WWOX: variants seen among roughly 807,000 people sequenced by gnomAD.
WWOX encodes the protein WW domain-containing oxidoreductase.
WWOX carries 69 observed loss-of-function variants against 46.2 expected under a neutral mutation model. That is an observed-to-expected ratio of 1.49 (90% CI 1.23 to 1.82). The LOEUF is 1.82. Ranked by LOEUF, WWOX falls within the 40% of genes most tolerant of loss-of-function variation. The pLI is 0.00. For synonymous variants in WWOX, 359 were observed against 202.6 expected (o/e 1.77, Z -6.56); for missense variants, 919 against 542.6 (o/e 1.69, Z -6.89).
chr16:78,912,518 A>AGCTCCT (rs1388197336), intron 8 of WWOX, among the ~76,000 whole-genome samples: 2 of 151,952 alleles, frequency 1.3e-5, no homozygotes, highest in Non-Finnish European at 2.9e-5. Flanking sequence ...AAGAAATGCC[A>AGCTCCT]GCTCCTCCGC....
intron 8 of WWOX, among the ~76,000 whole-genome samples, chr16:79,099,033 G>A (rs555620076): frequency 3.9e-4 from 59 of 151,922 alleles, no homozygotes; most frequent in African/African-American, 1.3e-3. Flanking sequence ...TTCACTCCTG[G>A]CAGAAGGCAA....
At chr16:78,633,896 GTTT>G (rs4035834) in intron 8 of WWOX, among the ~76,000 whole-genome samples, 4 of 134,680 alleles carry the variant, frequency 3.0e-5, no homozygotes, top group Non-Finnish European at 6.5e-5. Flanking sequence ...CATCTGAGGT[GTTT>G]TTTTTTTTTT....
chr16:78,273,775 C>T (rs867673654), intron 5 of WWOX, among the ~76,000 whole-genome samples: 10 of 152,190 alleles, frequency 6.6e-5, no homozygotes, highest in African/African-American at 1.2e-4. Context: ...GAAGGAAGGA[C>T]AGAAGGCTAG....
intron 8 of WWOX, among the ~76,000 whole-genome samples, chr16:78,467,952 G>C (rs560393219): frequency 6.6e-6 from 1 of 152,228 alleles, no homozygotes; most frequent in South Asian, 2.1e-4. Context: ...CTTTTTGTGT[G>C]TTTCTGACAT....
At chr16:78,835,429 C>A (rs993154610) in intron 8 of WWOX, among the ~76,000 whole-genome samples, 4 of 152,164 alleles carry the variant, frequency 2.6e-5, no homozygotes, top group Non-Finnish European at 5.9e-5. Flanking sequence ...GGGAAATATT[C>A]CTTCAATGTT....
chr16:78,836,517 C>G (rs1433227051), intron 8 of WWOX, among the ~76,000 whole-genome samples: 1 of 152,170 alleles, frequency 6.6e-6, no homozygotes, highest in South Asian at 2.1e-4. Context: ...ACTTCTGCCC[C>G]TTGCCATGTT....
intron 8 of WWOX, among the ~76,000 whole-genome samples, chr16:79,109,979 C>G (rs1054950360): frequency 3.3e-5 from 5 of 152,168 alleles, no homozygotes; most frequent in African/African-American, 1.2e-4. Flanking sequence ...CCCTCCAAAT[C>G]AAGAGTCCAG....
chr16:78,372,568 C>G (rs1195531553), intron 5 of WWOX, among the ~76,000 whole-genome samples: 1 of 152,152 alleles, frequency 6.6e-6, no homozygotes, highest in Non-Finnish European at 1.5e-5. Context: ...GTGCCCTGTC[C>G]ATTATCCTCC....
At chr16:78,978,736 C>G (rs936708150) in intron 8 of WWOX, among the ~76,000 whole-genome samples, 2 of 152,144 alleles carry the variant, frequency 1.3e-5, no homozygotes, top group East Asian at 3.9e-4. Context: ...ACTTTTCAAC[C>G]ACCGAATCGC....
intron 8 of WWOX, among the ~76,000 whole-genome samples, chr16:78,914,037 T>G (rs1597143029): frequency 6.6e-6 from 1 of 152,170 alleles, no homozygotes; most frequent in East Asian, 1.9e-4. Flanking sequence ...TCATCAGAGA[T>G]GAAAATGAGA....
At chr16:79,170,433 T>A (rs1364092272) in intron 8 of WWOX, among the ~76,000 whole-genome samples, 9 of 152,228 alleles carry the variant, frequency 5.9e-5, no homozygotes, top group Non-Finnish European at 1.0e-4. Context: ...GGGAGCATCC[T>A]GCAATACAAC....
intron 6 of WWOX, among the ~76,000 whole-genome samples, chr16:78,420,249 A>G (rs778624053): frequency 1.3e-5 from 2 of 152,132 alleles, no homozygotes; most frequent in South Asian, 2.1e-4. Context: ...ATATGACCCA[A>G]TAATCCCACT....
intron 8 of WWOX, among the ~76,000 whole-genome samples, chr16:78,634,872 G>T (rs2046530637): frequency 6.6e-6 from 1 of 151,320 alleles, no homozygotes; most frequent in African/African-American, 2.4e-5. Context: ...GTGTGTGTGT[G>T]TGCGCGTGCA....
intron 8 of WWOX, among the ~76,000 whole-genome samples, chr16:79,054,152 C>G (rs1597329652): frequency 2.0e-5 from 3 of 152,150 alleles, no homozygotes; most frequent in Non-Finnish European, 4.4e-5. Context: ...TGTGGTTAGG[C>G]TGACATAATT....
chr16:78,232,461 C>G (rs897303848), intron 5 of WWOX, among the ~76,000 whole-genome samples: 2 of 152,180 alleles, frequency 1.3e-5, no homozygotes, highest in Non-Finnish European at 2.9e-5. Context: ...CTTCTTCCAT[C>G]AGGGGCTCAC....
intron 6 of WWOX, among the ~76,000 whole-genome samples, chr16:78,413,278 C>T (rs527398560): frequency 6.6e-5 from 10 of 152,064 alleles, no homozygotes; most frequent in South Asian, 2.1e-4. Flanking sequence ...GATTGTCTCA[C>T]GTGTCCATGT....
chr16:79,129,614 C>G (rs578150073), intron 8 of WWOX, among the ~76,000 whole-genome samples: 12 of 151,958 alleles, frequency 7.9e-5, no homozygotes, highest in Non-Finnish European at 1.5e-4. Context: ...AAAGCATACA[C>G]TGAAAATAAA....
chr16:78,729,536 G>C (rs1018423719), intron 8 of WWOX, among the ~76,000 whole-genome samples: 2 of 152,046 alleles, frequency 1.3e-5, no homozygotes, highest in Non-Finnish European at 2.9e-5. Context: ...GGCAGAGGGT[G>C]AAGTTGTGCA....
chr16:78,692,211 C>CT (rs2048005460), intron 8 of WWOX, among the ~76,000 whole-genome samples: 1 of 152,168 alleles, frequency 6.6e-6, no homozygotes, highest in Admixed American at 6.6e-5. Flanking sequence ...CTGGAACTGT[C>CT]TAACTCCTAA....
Sources: gnomAD v4.1 joint callset for allele counts (sites outside exome capture counted in the v4.1 genomes callset) on GRCh38, gnomAD v4.1.1 for gene constraint, MANE v1.5 for transcripts, NCBI Gene and HGNC (gene_info 2026-07-23, HGNC 2026-07-21) for gene names.